Variants in MDGA2 observed in about 807,000 individuals in gnomAD.
MDGA2 encodes MAM domain-containing glycosylphosphatidylinositol anchor protein 2.
In MDGA2, 40 loss-of-function variants were observed where a neutral mutation model predicts 117.8. The observed-to-expected ratio is 0.34, with a 90% CI of 0.26 to 0.44. The LOEUF (loss-of-function observed/expected upper bound fraction) is 0.44. Ranked by LOEUF, MDGA2 falls within the 20% of genes least tolerant of loss-of-function variation. MDGA2 has a pLI of 1.00. For missense variants in MDGA2, 1,123 were observed against 1,250.6 expected (o/e 0.90, Z 1.54); for synonymous variants, 452 against 439.0 (o/e 1.03, Z -0.37).
chr14:47,416,834 C>G (rs978719126), intron 1 of MDGA2, among the ~76,000 whole-genome samples: 1 of 152,142 alleles, frequency 6.6e-6, no homozygotes, highest in Non-Finnish European at 1.5e-5. Flanking sequence ...TGCCAGAGTA[C>G]AGTGAACAAA....
intron 1 of MDGA2, among the ~76,000 whole-genome samples, chr14:47,579,737 A>G (rs1251995893): frequency 1.3e-5 from 2 of 152,104 alleles, no homozygotes; most frequent in Non-Finnish European, 2.9e-5. Context: ...TGATACATCA[A>G]TCTTTACAGA....
intron 1 of MDGA2, among the ~76,000 whole-genome samples, chr14:47,495,416 A>AT (rs1426850584): frequency 6.6e-6 from 1 of 152,150 alleles, no homozygotes; most frequent in Non-Finnish European, 1.5e-5. Context: ...CCAGAAAAAA[A>AT]AAATAAAAGA....
intron 1 of MDGA2, among the ~76,000 whole-genome samples, chr14:47,369,764 A>G (rs1891305552): frequency 6.6e-6 from 1 of 152,100 alleles, no homozygotes; most frequent in African/African-American, 2.4e-5. Context: ...TTTTTAAATG[A>G]TTAATCATTA....
At chr14:47,539,842 C>G (rs1895301445) in intron 1 of MDGA2, among the ~76,000 whole-genome samples, 1 of 152,178 alleles carries the variant, frequency 6.6e-6, no homozygotes, top group Non-Finnish European at 1.5e-5. Context: ...GTAAGGCGTT[C>G]CAAATCTGGA....
intron 1 of MDGA2, among the ~76,000 whole-genome samples, chr14:47,318,864 T>C (rs1349546465): frequency 6.6e-6 from 1 of 151,796 alleles, no homozygotes; most frequent in Non-Finnish European, 1.5e-5. Context: ...CTTGAATATG[T>C]GCAAACACTA....
chr14:46,914,500 C>T (rs1002981168), intron 10 of MDGA2, among the ~76,000 whole-genome samples: 1 of 151,998 alleles, frequency 6.6e-6, no homozygotes, highest in Non-Finnish European at 1.5e-5. Context: ...TAAGTCAATA[C>T]TGAAATCTGA....
At chr14:47,372,863 T>G (rs1297147224) in intron 1 of MDGA2, among the ~76,000 whole-genome samples, 2 of 151,990 alleles carry the variant, frequency 1.3e-5, no homozygotes, top group Non-Finnish European at 2.9e-5. Context: ...ATACTTTTTA[T>G]TATAATTTTA....
At chr14:47,171,278 A>AT (rs1049640613) in intron 3 of MDGA2, among the ~76,000 whole-genome samples, 7 of 151,752 alleles carry the variant, frequency 4.6e-5, no homozygotes, top group African/African-American at 1.4e-4. Context: ...AATACAAACT[A>AT]TTTTTTTTGC....
At chr14:47,561,158 G>GTTTTTTTTTTTTTTTTTTT (rs200625450) in intron 1 of MDGA2, among the ~76,000 whole-genome samples, 6 of 55,090 alleles carry the variant, frequency 1.1e-4, no homozygotes, top group Admixed American at 2.5e-4. Flanking sequence ...TTTTTGTTTT[G>GTTTTTTTTTTTTTTTTTTT]TTTTGTTTTT....
At chr14:46,950,548 C>G (rs1379202213) in intron 9 of MDGA2, among the ~76,000 whole-genome samples, 3 of 151,892 alleles carry the variant, frequency 2.0e-5, no homozygotes, top group Non-Finnish European at 4.4e-5. Context: ...TACTGGGATC[C>G]ACTAGTCCAT....
intron 1 of MDGA2, among the ~76,000 whole-genome samples, chr14:47,447,460 CCAT>C (rs1893147947): frequency 6.6e-6 from 1 of 152,122 alleles, no homozygotes; most frequent in Non-Finnish European, 1.5e-5. Context: ...GGTAGTATTT[CCAT>C]ACTAATGCTG....
At chr14:47,580,011 T>C (rs950707697) in intron 1 of MDGA2, among the ~76,000 whole-genome samples, 3 of 152,068 alleles carry the variant, frequency 2.0e-5, no homozygotes, top group Admixed American at 6.6e-5. Flanking sequence ...ATTACAGATG[T>C]GAAAGCAGAT....
chr14:47,171,999 G>C (rs999772825), intron 3 of MDGA2, among the ~76,000 whole-genome samples: 1 of 152,086 alleles, frequency 6.6e-6, no homozygotes, highest in Admixed American at 6.5e-5. Flanking sequence ...ATTATATCCC[G>C]CACATGGCTC....
At chr14:47,625,312 A>AC (rs947630325) in intron 1 of MDGA2, among the ~76,000 whole-genome samples, 2 of 150,838 alleles carry the variant, frequency 1.3e-5, no homozygotes, top group East Asian at 1.9e-4. Flanking sequence ...TGCAAAAACA[A>AC]AAAAAAAAGT....
intron 2 of MDGA2, among the ~76,000 whole-genome samples, chr14:47,237,267 T>C (rs1886894200): frequency 6.6e-6 from 1 of 152,140 alleles, no homozygotes; most frequent in Admixed American, 6.5e-5. Flanking sequence ...AAAATCACAT[T>C]AAGCAAATTG....
At chr14:47,495,504 T>C (rs1033266627) in intron 1 of MDGA2, among the ~76,000 whole-genome samples, 2 of 152,138 alleles carry the variant, frequency 1.3e-5, no homozygotes, top group African/African-American at 4.8e-5. Flanking sequence ...CCACAGGTAA[T>C]AGTCTAATAA....
In MDGA2 at chr14:47,185,061, A is replaced by T. The variant is rs147057510; in HGVS notation, c.595+32960T>A. Among the ~76,000 whole-genome samples, 158 of 151,374 alleles carry T rather than the reference A, an allele frequency of 1.0e-3. 3 individuals carry two copies. In the East Asian group the frequency reaches 0.02, roughly 19 times the overall value. On this transcript the variant is annotated intron_variant, in intron 3 of 16. Transcript: ENST00000399232. ...TATGTTTAACTTGATAATAAAAGAT[A>T]AACATTTGCTTTTCAAAATGTCTAA...
intron 3 of MDGA2, among the ~76,000 whole-genome samples, chr14:47,153,739 G>A (rs1173167929): frequency 6.6e-6 from 1 of 151,116 alleles, no homozygotes; most frequent in Non-Finnish European, 1.5e-5. Context: ...TTGGGCGGGA[G>A]GGCTTTGTAA....
Position 47,674,809 on chromosome 14 carries a change from TCACA to T in MDGA2, c.-17_-14del, listed in dbSNP as rs1012824956. On this transcript the variant is annotated 5_prime_UTR_variant, in exon 1 of 17. Coordinates refer to ENST00000399232, the MANE Select transcript of MDGA2 (RefSeq NM_001113498.3). ...TCCACACACTCATGCACACACACAC[TCACA>T]CACACTCACACACTCTCCCACAACA... The T allele has an allele frequency of 1.1e-5, 7 of 640,418 alleles. No homozygotes were observed. The highest frequency in any genetic ancestry group is 5.7e-5 in the East Asian group (2 of 35,344). 39.7% of individuals were successfully genotyped at this position (640,418 alleles called of 1,614,324 possible). A position where few individuals can be genotyped will look rare whatever the true frequency, so the allele number is the denominator to read the frequency against.
Sources: gnomAD v4.1 joint callset for allele counts (sites outside exome capture counted in the v4.1 genomes callset) on GRCh38, gnomAD v4.1.1 for gene constraint, MANE v1.5 for transcripts, NCBI Gene and HGNC (gene_info 2026-07-23, HGNC 2026-07-21) for gene names.